VIPAS39: variants seen among roughly 807,000 people sequenced by gnomAD.
VIPAS39 encodes the protein spermatogenesis-defective protein 39 homolog.
In VIPAS39, 63 loss-of-function variants were observed where a neutral mutation model predicts 84.7. The ratio of observed to expected loss-of-function variants is 0.74; its 90% CI spans 0.61 to 0.92. The LOEUF (loss-of-function observed/expected upper bound fraction) is 0.92. Ranked by LOEUF, VIPAS39 falls within the 40% of genes least tolerant of loss-of-function variation. VIPAS39 has a pLI of 0.00. For synonymous variants in VIPAS39, 192 were observed against 216.5 expected, an observed-to-expected ratio of 0.89 and a Z score of 0.99; for missense variants, 499 against 604.5, an observed-to-expected ratio of 0.83 and a Z score of 1.83.
At chr14:77,430,723 G>GA (rs11302153) in intron 16 of VIPAS39, among the ~76,000 whole-genome samples, 7 of 123,130 alleles carry the variant, frequency 5.7e-5, no homozygotes, top group African/African-American at 2.3e-4. Flanking sequence ...TCTCAAAAAA[G>GA]AAAAAAAAAA....
chr14:77,435,415 GA>G (rs3075829), intron 13 of VIPAS39, 22 bp from the exon 14 acceptor site: 909 of 1,463,842 alleles, frequency 6.2e-4, no homozygotes, highest in Admixed American at 1.8e-3. Flanking sequence ...TGAGCCAAGT[GA>G]AAAAAAAAAA....
chr14:77,428,625 C>T, intron 18 of VIPAS39, 151 bp from the exon 19 acceptor site: 1 of 722,560 alleles, frequency 1.4e-6, no homozygotes, highest in Non-Finnish European at 2.5e-6. Context: ...ACTGTGTACA[C>T]ATGAGGGCTT....
chr14:77,451,124 T>G (rs2078874305), intron 4 of VIPAS39, 63 bp downstream of exon 4: 4 of 1,608,232 alleles, frequency 2.5e-6, no homozygotes, highest in Non-Finnish European at 3.4e-6. Flanking sequence ...ATGAAAATTA[T>G]GGCCTAAGAT....
Position 77,451,284 on chromosome 14 carries a change from G to A in VIPAS39, c.246C>T (p.His82=), listed in dbSNP as rs569525220. The change falls in exon 4 of 20, where the codon CAC becomes CAT. Residue 82 remains histidine (H), a synonymous_variant. Coordinates refer to ENST00000557658, the MANE Select transcript of VIPAS39 (RefSeq NM_001193315.2). ...GGCTCTTTAGCTGTTCACGCCCCTC[G>A]TGGGTTGAGCCGCTATTACCAGCAG... ...RETAGNSGST[H]EGREQLKSRN... is the part of the protein sequence containing the mutation. 58 of 1,614,170 alleles carry A rather than the reference G, an allele frequency of 3.6e-5. No homozygotes were observed. The highest frequency in any genetic ancestry group is 1.6e-4 in the African/African-American group (12 of 75,040).
Position 77,453,305 on chromosome 14 carries a change from C to G in VIPAS39, c.190G>C (p.Val64Leu), listed in dbSNP as rs1176232367. ...TAGGGACTCTTCTACTTACTTCCCA[C>G]AGGTTCCCCACTCCAGCTGACTCGC... ...LERVSWSGEP[V>L]GSISWSIRET... Residue 64 changes from valine to leucine, a missense_variant, in exon 3 of 20, where the codon GTG (valine) becomes CTG (leucine). Physicochemically the swap from Val to Leu is conservative, Grantham distance 32. Transcript: ENST00000557658. The G allele has an allele frequency of 6.2e-7, 1 of 1,614,156 alleles. No individual in the cohort carries two copies. Among genetic ancestry groups the G allele is most frequent in the South Asian group, 1.1e-5 (1 of 91,076 alleles).
chr14:77,449,552 T>G (rs2078849897), intron 5 of VIPAS39, among the ~76,000 whole-genome samples, 162 bp downstream of exon 5: 1 of 152,250 alleles, frequency 6.6e-6, no homozygotes, highest in African/African-American at 2.4e-5. Context: ...CTAGAATGAT[T>G]TCTACCTCCT....
In VIPAS39 at chr14:77,451,525, A is replaced by C. The variant is rs56235462; in HGVS notation, c.197-192T>G. ...CCAAGGACATGAATAGGTGGATCAC[A>C]GAAAATTCAAATGGCTCTTCAACAT... is the stretch of plus-strand genomic sequence containing the variant. On this transcript the variant is annotated intron_variant, in intron 3 of 19. Transcript: ENST00000557658. Among the ~76,000 whole-genome samples the C allele has an allele frequency of 0.16, 24,157 of 152,270 alleles. 2,006 individuals are homozygous for C. The highest frequency in any genetic ancestry group is 0.22 in the Middle Eastern group (65 of 294).
chr14:77,436,235 A>C (rs1258838023), intron 12 of VIPAS39, among the ~76,000 whole-genome samples: 2 of 152,246 alleles, frequency 1.3e-5, no homozygotes, highest in Non-Finnish European at 2.9e-5. Context: ...AAAGCTAATG[A>C]GTGAGCCTAG....
intron 16 of VIPAS39, 128 bp from the exon 17 acceptor site, chr14:77,429,895 T>A (rs879474893): frequency 1.7e-5 from 14 of 826,276 alleles, no homozygotes; most frequent in Non-Finnish European, 3.0e-5. Context: ...GATACAGAAA[T>A]AATGAGAAAT....
In VIPAS39 at chr14:77,427,110, G is replaced by T; in HGVS notation, c.*506C>A. On this transcript the variant is annotated 3_prime_UTR_variant, in exon 20 of 20. Transcript: ENST00000557658. Reference sequence around the variant, plus strand: ...GCCATGTGTGGCATAATGTGGAGGGGTCTGTGCAGTCTGGTGTGAGTGCAT... The same window carrying T: ...GCCATGTGTGGCATAATGTGGAGGGTTCTGTGCAGTCTGGTGTGAGTGCAT... 1 of 170,456 alleles carries T rather than the reference G, an allele frequency of 5.9e-6. No individual in the cohort carries two copies. The highest frequency in any genetic ancestry group is 1.3e-5 in the Non-Finnish European group (1 of 78,464). The allele number at this position is 170,456 out of a possible 1,614,324, so 10.6% of individuals were successfully genotyped here.
chr14:77,453,195 C>T lies in VIPAS39; in HGVS notation c.196+104G>A, dbSNP rs150693529. ...TATGCTTATCTGAAAATAGTCTTAT[C>T]CTAGTCCCTCTCCTAACTAGCATTG... On this transcript the variant is annotated intron_variant, in intron 3 of 19. Transcript: ENST00000557658. 4 of 1,153,426 alleles carry T rather than the reference C, an allele frequency of 3.5e-6. No individual in the cohort carries two copies. In the African/African-American group the frequency reaches 4.5e-5, roughly 13 times the overall value. The allele number at this position is 1,153,426 out of a possible 1,614,324, so 71.4% of individuals were successfully genotyped here.
chr14:77,442,692 A>AGTTG, intron 9 of VIPAS39, 30 bp from the exon 10 acceptor site: 1 of 1,600,552 alleles, frequency 6.2e-7, no homozygotes, highest in Non-Finnish European at 8.6e-7. Flanking sequence ...TAAGTTGAGA[A>AGTTG]AGATTAAAGC....
Position 77,442,635 on chromosome 14 carries a change from C to A in VIPAS39, c.659G>T (p.Arg220Leu), listed in dbSNP as rs769057172. 5.6e-6 allele frequency: 9 copies of A among 1,614,162 alleles called. No homozygotes were observed. In the Admixed American group the frequency reaches 1.5e-4, roughly 27 times the overall value. ...KEILFRELEV[R>L]QVALRHLIHF... ...AATAAGATGTCTCAGGGCAACCTGT[C>A]GCACCTCCAGCTCTCGGAAGAGGAT... The change falls in exon 10 of 20, where the codon CGA (arginine) becomes CTA (leucine). Residue 220 changes from arginine (R) to leucine (L), a missense_variant. By Grantham distance (102) the Arg-to-Leu change is moderately radical. Coordinates refer to ENST00000557658, the MANE Select transcript of VIPAS39 (RefSeq NM_001193315.2).
chr14:77,449,431 G>A (rs76742098), intron 5 of VIPAS39, 74 bp from the exon 6 acceptor site: 29 of 1,576,194 alleles, frequency 1.8e-5, no homozygotes, highest in Admixed American at 1.7e-5. Flanking sequence ...CTACTTCTTC[G>A]TTCTCACATT....
At chr14:77,437,955 C>A (rs369620720) in intron 11 of VIPAS39, 74 bp from the exon 12 acceptor site, 11 of 1,481,552 alleles carry the variant, frequency 7.4e-6, no homozygotes, top group South Asian at 1.1e-5. Flanking sequence ...AACTGAACTT[C>A]CCATGCTTTA....
At position 77,435,394 on chromosome 14, in the gene VIPAS39, C is replaced by T; in HGVS notation, c.913-1G>A. The T allele has an allele frequency of 1.3e-6, 2 of 1,512,604 alleles. No homozygotes were observed. The highest frequency in any genetic ancestry group is 2.5e-5 in the East Asian group (1 of 40,176). The allele number at this position is 1,512,604 out of a possible 1,614,324, so 93.7% of individuals were successfully genotyped here. On this transcript the variant is annotated splice_acceptor_variant, in intron 13 of 19. Transcript: ENST00000557658. LOFTEE classifies it high-confidence loss of function. ...CTGATTCTAGATGGCGATCATTTGC[C>T]TGTGGTGGAGTGAGCCAAGTGAAAA...
intron 1 of VIPAS39, among the ~76,000 whole-genome samples, chr14:77,454,762 C>A (rs2078936532): frequency 6.6e-6 from 1 of 151,362 alleles, no homozygotes; most frequent in African/African-American, 2.4e-5. Flanking sequence ...AGCAACAGTG[C>A]AAGGCAGGCA....
At chr14:77,433,703 TC>T in intron 16 of VIPAS39, 138 bp downstream of exon 16, 1 of 692,228 alleles carries the variant, frequency 1.4e-6, no homozygotes, top group Non-Finnish European at 2.4e-6. Flanking sequence ...TAAAATTCAT[TC>T]TTTCAACTTT....
chr14:77,453,166 G>A (rs895598706), intron 3 of VIPAS39, 133 bp downstream of exon 3: 2 of 970,558 alleles, frequency 2.1e-6, no homozygotes, highest in African/African-American at 3.2e-5. Context: ...TAAGTTTCCA[G>A]ATGTATGCTT....
Sources: gnomAD v4.1 joint callset for allele counts (sites outside exome capture counted in the v4.1 genomes callset) on GRCh38, gnomAD v4.1.1 for gene constraint, MANE v1.5 for transcripts, NCBI Gene and HGNC (gene_info 2026-07-23, HGNC 2026-07-21) for gene names.